GPATCH1: variants seen among roughly 807,000 people sequenced by gnomAD.
GPATCH1 encodes G patch domain-containing protein 1.
In GPATCH1, 73 loss-of-function variants were observed where a neutral mutation model predicts 114.9. The observed-to-expected ratio is 0.64, with a 90% CI of 0.53 to 0.77. The LOEUF is 0.77. GPATCH1 is among the 30% of genes least tolerant of loss of function. GPATCH1 has a pLI of 0.00. For missense variants in GPATCH1, 1,058 were observed against 1,144.3 expected (o/e 0.92, Z 1.09); for synonymous variants, 391 against 428.4 (o/e 0.91, Z 1.08).
At position 33,084,862 on chromosome 19, in the gene GPATCH1, T is replaced by C. The variant is rs1972519608; in HGVS notation, c.74-3272T>C. Reference sequence around the variant, plus strand: ...TTTTAGTAGAGGCGGGGTTTCACAATGTTGGCCAGGCTGGTCTTGAACTCC... The same window carrying C: ...TTTTAGTAGAGGCGGGGTTTCACAACGTTGGCCAGGCTGGTCTTGAACTCC... On this transcript the variant is annotated intron_variant, in intron 1 of 19. Coordinates refer to ENST00000170564, the MANE Select transcript of GPATCH1 (RefSeq NM_018025.3). 2.0e-5 allele frequency among the ~76,000 whole-genome samples: 3 copies of C among 151,820 alleles called. No homozygotes were observed. The South Asian group carries it at 6.3e-4, about 32-fold the overall frequency.
rs1052834146 is a variant in GPATCH1, at chr19:33,097,628, A to T, written c.853-127A>T. 2.4e-5 allele frequency: 20 copies of T among 840,934 alleles called. No homozygotes were observed. In the African/African-American group the frequency reaches 3.1e-4, roughly 13 times the overall value. The allele number at this position is 840,934 out of a possible 1,614,324, so 52.1% of individuals were successfully genotyped here. On this transcript the variant is annotated intron_variant, in intron 7 of 19. Coordinates refer to ENST00000170564, the MANE Select transcript of GPATCH1 (RefSeq NM_018025.3). ...GTTGGTCGATCTGGGACCCCCGTTCACTTCTCTCTTGGTGATCTTGAAGTG... is the reference window on the plus strand; with the variant it reads ...GTTGGTCGATCTGGGACCCCCGTTCTCTTCTCTCTTGGTGATCTTGAAGTG...
chr19:33,095,807 C>T lies in GPATCH1; in HGVS notation c.599C>T (p.Ser200Leu), dbSNP rs765884059. Residue 200 changes from serine to leucine, a missense_variant, in exon 6 of 20, where the codon TCG becomes TTG. Ser to Leu is a moderately radical substitution (Grantham distance 145). Coordinates refer to ENST00000170564, the MANE Select transcript of GPATCH1 (RefSeq NM_018025.3). ...GGCTGTGCATTACCCCCTGGAAGCT[C>T]GGAAGGATCTGAGGTATTGCATGGT... ...IYGCALPPGSSEGSEGEDDDY... is the reference protein window; with the variant it reads ...IYGCALPPGSLEGSEGEDDDY... The T allele has an allele frequency of 1.9e-6, 3 of 1,609,706 alleles. No individual in the cohort carries two copies. Among genetic ancestry groups the T allele is most frequent in the Admixed American group, 1.7e-5 (1 of 60,002 alleles).
In GPATCH1 at chr19:33,114,330, G is replaced by A; in HGVS notation, c.2107G>A (p.Ala703Thr). 6.2e-7 allele frequency: 1 copy of A among 1,613,450 alleles called. No homozygotes were observed. The highest frequency in any genetic ancestry group is 8.5e-7 in the Non-Finnish European group (1 of 1,179,572). ...TTCCATTAGTGAATTTTTAAGTTTGGCTAGATCAAAAGCCGAGCCACCTAA... is the reference window on the plus strand; with the variant it reads ...TTCCATTAGTGAATTTTTAAGTTTGACTAGATCAAAAGCCGAGCCACCTAA... ...EDSISEFLSL[A>T]RSKAEPPKQQ... is the part of the protein sequence containing the mutation. Residue 703 changes from alanine (A) to threonine (T), a missense_variant, in exon 15 of 20, where the codon GCT (alanine) becomes ACT (threonine). Coordinates refer to ENST00000170564, the MANE Select transcript of GPATCH1 (RefSeq NM_018025.3).
At position 33,126,813 on chromosome 19, in the gene GPATCH1, T is replaced by C. The variant is rs1973047289; in HGVS notation, c.2765+80T>C. 4 of 1,238,596 alleles carry C rather than the reference T, an allele frequency of 3.2e-6. No individual in the cohort carries two copies. In the South Asian group the frequency reaches 4.1e-5, roughly 13 times the overall value. The allele number at this position is 1,238,596 out of a possible 1,614,324, so 76.7% of individuals were successfully genotyped here. A position where few individuals can be genotyped will look rare whatever the true frequency, so the allele number is the denominator to read the frequency against. On this transcript the variant is annotated intron_variant, in intron 19 of 19. Transcript: ENST00000170564. ...CTTGATGTGTTTGCTTAGAGGCAAATATCAGAAATGAAAAACTGGTAGGCC... is the reference window on the plus strand; with the variant it reads ...CTTGATGTGTTTGCTTAGAGGCAAACATCAGAAATGAAAAACTGGTAGGCC...
At chr19:33,124,295 A>T (rs1568351546) in intron 17 of GPATCH1, among the ~76,000 whole-genome samples, 2 of 152,192 alleles carry the variant, frequency 1.3e-5, no homozygotes, top group Non-Finnish European at 2.9e-5. Context: ...GAATTGAGGC[A>T]CATGCAAATT....
chr19:33,087,986 A>G, intron 1 of GPATCH1, 148 bp from the exon 2 acceptor site: 1 of 497,272 alleles, frequency 2.0e-6, no homozygotes, highest in Non-Finnish European at 3.5e-6. Context: ...TAAAGCAGTA[A>G]AGTCTAGGAA....
intron 17 of GPATCH1, 64 bp from the exon 18 acceptor site, chr19:33,125,041 T>C: frequency 1.3e-6 from 2 of 1,534,154 alleles, no homozygotes; most frequent in Non-Finnish European, 1.8e-6. Context: ...TTTAGGAGCT[T>C]AGTTTTGGAT....
chr19:33,112,341 C>T lies in GPATCH1; in HGVS notation c.1765-145C>T, dbSNP rs376158034. Reference sequence around the variant, plus strand: ...AGGAGAATAGGAAACCATTTTATGCCTTAGTTTCCAATGTACTGGAGCATA... The same window carrying T: ...AGGAGAATAGGAAACCATTTTATGCTTTAGTTTCCAATGTACTGGAGCATA... On this transcript the variant is annotated intron_variant, in intron 12 of 19. Coordinates refer to ENST00000170564, the MANE Select transcript of GPATCH1 (RefSeq NM_018025.3). 9.4e-5 allele frequency: 77 copies of T among 820,768 alleles called. No individual in the cohort carries two copies. In the South Asian group the frequency reaches 1.2e-3, roughly 13 times the overall value. 50.8% of individuals were successfully genotyped at this position (820,768 alleles called of 1,614,324 possible). A position where few individuals can be genotyped will look rare whatever the true frequency, so the allele number is the denominator to read the frequency against.
intron 4 of GPATCH1, 93 bp from the exon 5 acceptor site, chr19:33,094,079 C>G (rs747932495): frequency 7.5e-4 from 563 of 746,238 alleles, no homozygotes; most frequent in Non-Finnish European, 1.2e-3. Context: ...CAAGACAGGC[C>G]TAGGAACTGA....
intron 8 of GPATCH1, among the ~76,000 whole-genome samples, chr19:33,099,082 T>C (rs892603244): frequency 1.3e-5 from 2 of 148,460 alleles, no homozygotes; most frequent in African/African-American, 4.9e-5. Context: ...TAATACTATA[T>C]TATAATCAAT....
At chr19:33,128,056 T>C (rs1385682467) in intron 19 of GPATCH1, among the ~76,000 whole-genome samples, 3 of 151,884 alleles carry the variant, frequency 2.0e-5, no homozygotes, top group Non-Finnish European at 4.4e-5. Flanking sequence ...ATAAGTAATA[T>C]AATTTTATAT....
intron 1 of GPATCH1, among the ~76,000 whole-genome samples, chr19:33,081,491 G>A (rs10418246): frequency 0.17 from 26,452 of 152,102 alleles, 3,049 homozygotes; most frequent in South Asian, 0.33. Flanking sequence ...ACAAGGGGGC[G>A]GCGAGATAGA....
intron 8 of GPATCH1, among the ~76,000 whole-genome samples, chr19:33,098,637 A>G (rs527446374): frequency 1.3e-5 from 2 of 152,296 alleles, no homozygotes; most frequent in East Asian, 3.9e-4. Flanking sequence ...ATTGGAGTCC[A>G]CATTTGTAAA....
chr19:33,125,229 T>C (rs983185023), intron 18 of GPATCH1, 27 bp downstream of exon 18: 1 of 1,574,944 alleles, frequency 6.3e-7, no homozygotes, highest in African/African-American at 1.4e-5. Flanking sequence ...TACCCCAGGA[T>C]CAGTGTGGGG....
intron 14 of GPATCH1, 25 bp downstream of exon 14, chr19:33,113,928 C>G: frequency 1.2e-6 from 2 of 1,610,114 alleles, no homozygotes; most frequent in Non-Finnish European, 1.7e-6. Flanking sequence ...CCCGGGGTCT[C>G]TGATTGACCA....
rs757207513 is a variant in GPATCH1, at chr19:33,121,868, A to C, written c.2521+2751A>C. Among the ~76,000 whole-genome samples the C allele has an allele frequency of 5.3e-5, 8 of 152,312 alleles. No homozygotes were observed. The South Asian group carries it at 1.7e-3, about 32-fold the overall frequency. On this transcript the variant is annotated intron_variant, in intron 17 of 19. Coordinates refer to ENST00000170564, the MANE Select transcript of GPATCH1 (RefSeq NM_018025.3). ...ACATAAAAATATCATTATTCACTTT[A>C]TAGTTTCTCATGGTGCCCATATGTG... is the stretch of plus-strand genomic sequence containing the variant.
At chr19:33,094,041 G>A (rs1213417934) in intron 4 of GPATCH1, 131 bp from the exon 5 acceptor site, 13 of 633,248 alleles carry the variant, frequency 2.1e-5, no homozygotes, top group Non-Finnish European at 3.4e-5. Flanking sequence ...CACGCCAGAT[G>A]TAATGTGGGT....
chr19:33,119,929 TTATA>T (rs967571481), intron 17 of GPATCH1, among the ~76,000 whole-genome samples: 1 of 145,418 alleles, frequency 6.9e-6, no homozygotes, highest in African/African-American at 2.5e-5. Context: ...TATATAAAAA[TTATA>T]TATATTTTTA....
At chr19:33,111,690 A>G in intron 11 of GPATCH1, 34 bp from the exon 12 acceptor site, 1 of 1,606,112 alleles carries the variant, frequency 6.2e-7, no homozygotes, top group Non-Finnish European at 8.5e-7. Flanking sequence ...TTTTCCTGAA[A>G]AGTGAAGCTG....
Sources: allele counts gnomAD v4.1 joint callset (sites outside exome capture counted in the v4.1 genomes callset), GRCh38; gene constraint gnomAD v4.1.1; transcripts MANE v1.5; gene names NCBI Gene and HGNC (gene_info 2026-07-23, HGNC 2026-07-21).